Variants in GRK5 observed in about 807,000 individuals in gnomAD.
The protein encoded by GRK5 is g protein-coupled receptor kinase GRK5.
In GRK5, 40 loss-of-function variants were observed where a neutral mutation model predicts 78.4. The ratio of observed to expected loss-of-function variants is 0.51; its 90% CI spans 0.40 to 0.66. The LOEUF is 0.66. Ranked by LOEUF, GRK5 falls within the 30% of genes least tolerant of loss-of-function variation. The pLI is 0.00. For synonymous variants in GRK5, 289 were observed against 296.8 expected (o/e 0.97, Z 0.27); for missense variants, 598 against 759.9 (o/e 0.79, Z 2.50).
At chr10:119,214,561 C>G (rs1176385859) in intron 1 of GRK5, among the ~76,000 whole-genome samples, 1 of 152,018 alleles carries the variant, frequency 6.6e-6, no homozygotes, top group Non-Finnish European at 1.5e-5. Context: ...TTGCTGTCAC[C>G]CAGTCTGTAG....
intron 1 of GRK5, among the ~76,000 whole-genome samples, chr10:119,211,125 C>T (rs115444151): frequency 2.7e-3 from 414 of 152,156 alleles, no homozygotes; most frequent in African/African-American, 9.4e-3. Flanking sequence ...GATTTTGAAC[C>T]ACGGAAATGT....
chr10:119,383,270 C>T (rs1171209817), intron 3 of GRK5, among the ~76,000 whole-genome samples: 1 of 152,198 alleles, frequency 6.6e-6, no homozygotes, highest in Non-Finnish European at 1.5e-5. Flanking sequence ...AGAAACTTGA[C>T]CAAATTCGGT....
Position 119,455,891 on chromosome 10 carries a change from G to T in GRK5, c.*824G>T. On this transcript the variant is annotated 3_prime_UTR_variant, in exon 16 of 16. Transcript: ENST00000392870. ...AGGCGGCTGGCACGCGGATCTAGGT[G>T]TTTGCAGCCTGGTGGGCGATGGGCC... 1 of 154,128 alleles carries T rather than the reference G, an allele frequency of 6.5e-6. No homozygotes were observed. The highest frequency in any genetic ancestry group is 2.0e-4 in the South Asian group (1 of 4,926). The allele number at this position is 154,128 out of a possible 1,614,324, so 9.5% of individuals were successfully genotyped here.
intron 2 of GRK5, among the ~76,000 whole-genome samples, chr10:119,360,775 G>A (rs1460263741): frequency 2.0e-5 from 3 of 152,188 alleles, no homozygotes; most frequent in African/African-American, 7.2e-5. Flanking sequence ...TCCACACCCG[G>A]CCCGGGGCCC....
At chr10:119,216,303 G>A (rs921462351) in intron 1 of GRK5, among the ~76,000 whole-genome samples, 1 of 152,192 alleles carries the variant, frequency 6.6e-6, no homozygotes, top group African/African-American at 2.4e-5. Flanking sequence ...TGAACCCCAA[G>A]GACAGCTTCT....
intron 1 of GRK5, among the ~76,000 whole-genome samples, chr10:119,246,272 C>G (rs975407172): frequency 2.1e-4 from 32 of 152,122 alleles, no homozygotes; most frequent in Non-Finnish European, 3.4e-4. Context: ...CTTATAATAC[C>G]TCATACAATG....
intron 1 of GRK5, among the ~76,000 whole-genome samples, chr10:119,286,780 G>A (rs1371073647): frequency 6.6e-6 from 1 of 152,238 alleles, no homozygotes. Context: ...GGTTTTGGTG[G>A]AAAAGGTGGG....
intron 2 of GRK5, among the ~76,000 whole-genome samples, chr10:119,353,021 T>C (rs946536760): frequency 1.3e-5 from 2 of 152,220 alleles, no homozygotes; most frequent in Non-Finnish European, 2.9e-5. Context: ...GCCAGAAATA[T>C]CAAAAGTTTG....
At chr10:119,232,051 T>TC (rs1848840027) in intron 1 of GRK5, among the ~76,000 whole-genome samples, 2 of 152,204 alleles carry the variant, frequency 1.3e-5, no homozygotes, top group Admixed American at 1.3e-4. Context: ...GCAGCACTAT[T>TC]CACAATAGCC....
In GRK5 at chr10:119,320,767, C is replaced by T. The variant is rs566172072; in HGVS notation, c.53-5749C>T. Reference sequence around the variant, plus strand: ...AGGCCCTGAATGGGACCAAGGAGAACGGGCTGAGCCTATGGGTGGTCAGGC... The same window carrying T: ...AGGCCCTGAATGGGACCAAGGAGAATGGGCTGAGCCTATGGGTGGTCAGGC... On this transcript the variant is annotated intron_variant, in intron 1 of 15. Transcript: ENST00000392870. Among the ~76,000 whole-genome samples, 10 of 152,342 alleles carry T rather than the reference C, an allele frequency of 6.6e-5. No individual in the cohort carries two copies. The South Asian group carries it at 1.0e-3, about 16-fold the overall frequency.
rs1564847685 is a variant in GRK5 at position 119,207,572 on chromosome 10, GAAGCATCCGAGGCATTA to G, written c.-333_-317del. The G allele has an allele frequency of 3.8e-6, 1 of 265,058 alleles. No individual in the cohort carries two copies. Among genetic ancestry groups the G allele is most frequent in the Non-Finnish European group, 7.3e-6 (1 of 137,250 alleles). 16.4% of individuals were successfully genotyped at this position (265,058 alleles called of 1,614,324 possible). A position where few individuals can be genotyped will look rare whatever the true frequency, so the allele number is the denominator to read the frequency against. ...CCCCGGGAGGGACTGAGGGGAGGCA[GAAGCATCCGAGGCATTA>G]AAGCATCCGAGGGAGCCGGAGGGGA... On this transcript the variant is annotated 5_prime_UTR_variant, in exon 1 of 16. Coordinates refer to ENST00000392870, the MANE Select transcript of GRK5 (RefSeq NM_005308.3).
At chr10:119,211,841 G>A (rs1848492385) in intron 1 of GRK5, 1 of 152,158 alleles carries the variant, frequency 6.6e-6, no homozygotes, top group South Asian at 2.1e-4. Flanking sequence ...GCAGGCTATG[G>A]CGTGGACAGA....
chr10:119,453,217 A>C lies in GRK5; in HGVS notation c.1615A>C (p.Arg539=). The C allele has an allele frequency of 1.2e-6, 2 of 1,613,748 alleles. No homozygotes were observed. Among genetic ancestry groups the C allele is most frequent in the South Asian group, 1.1e-5 (1 of 91,064 alleles). ...PNGTLPPDLN[R]NHPPEPPKKG... ...TGGTACCCTCCCGCCAGATCTGAAC[A>C]GAAACCACCCTCCGGAACCGCCCAA... Residue 539 remains arginine (R), a synonymous_variant, in exon 15 of 16, where the codon AGA becomes CGA. Transcript: ENST00000392870.
chr10:119,381,013 G>A (rs534494042), intron 3 of GRK5, 86 bp downstream of exon 3: 225 of 812,850 alleles, frequency 2.8e-4, no homozygotes, highest in Non-Finnish European at 4.5e-4. Context: ...GATCTCATGG[G>A]TTAGAAGACT....
intron 3 of GRK5, among the ~76,000 whole-genome samples, chr10:119,391,334 G>A (rs779435639): frequency 1.2e-4 from 19 of 152,188 alleles, no homozygotes; most frequent in Admixed American, 2.6e-4. Context: ...TGCACTGCTC[G>A]CCATTCTCAC....
At chr10:119,439,113 C>G (rs892115788) in intron 9 of GRK5, among the ~76,000 whole-genome samples, 3 of 152,246 alleles carry the variant, frequency 2.0e-5, no homozygotes, top group Non-Finnish European at 2.9e-5. Context: ...GCTCTCCCCT[C>G]ATCCTGGGAA....
In GRK5 at chr10:119,218,405, G is replaced by A. The variant is rs149951488; in HGVS notation, c.52+10436G>A. On this transcript the variant is annotated intron_variant, in intron 1 of 15. Coordinates refer to ENST00000392870, the MANE Select transcript of GRK5 (RefSeq NM_005308.3). Reference sequence around the variant, plus strand: ...AATTGCTCTGCAAGTCTGATAAAAAGTCTTGTGAAACCTCATTTGAAAATG... The same window carrying A: ...AATTGCTCTGCAAGTCTGATAAAAAATCTTGTGAAACCTCATTTGAAAATG... Among the ~76,000 whole-genome samples the A allele has an allele frequency of 7.9e-4, 120 of 152,342 alleles. No individual in the cohort carries two copies. The Middle Eastern group carries it at 0.01, about 13-fold the overall frequency.
intron 4 of GRK5, among the ~76,000 whole-genome samples, chr10:119,416,334 C>A (rs531411124): frequency 2.6e-5 from 4 of 152,266 alleles, no homozygotes; most frequent in African/African-American, 9.6e-5. Context: ...ATCCTCGGGG[C>A]TGATAACTCA....
In GRK5 at chr10:119,446,047, C is replaced by G. The variant is rs571319765; in HGVS notation, c.1267-2076C>G. On this transcript the variant is annotated intron_variant, in intron 12 of 15. Coordinates refer to ENST00000392870, the MANE Select transcript of GRK5 (RefSeq NM_005308.3). ...AGTCCCAGCACTGGGCCTTAGCCCC[C>G]CTCCAGCTCCCTCTTGCCTTTCAGC... Among the ~76,000 whole-genome samples the G allele has an allele frequency of 3.1e-3, 473 of 152,346 alleles. 9 individuals carry two copies. Among genetic ancestry groups the G allele is most frequent in the Non-Finnish European group, 8.5e-4 (58 of 68,038 alleles).
Sources: gnomAD v4.1 joint callset for allele counts (sites outside exome capture counted in the v4.1 genomes callset) on GRCh38, gnomAD v4.1.1 for gene constraint, MANE v1.5 for transcripts, NCBI Gene and HGNC (gene_info 2026-07-23, HGNC 2026-07-21) for gene names.